The following SYN2 variants were observed in gnomAD, a reference collection of about 807,000 sequenced individuals.
The protein encoded by SYN2 is synapsin-2.
SYN2 carries 19 observed loss-of-function variants against 50.9 expected under a neutral mutation model. The ratio of observed to expected loss-of-function variants is 0.37; its 90% CI spans 0.26 to 0.55. The LOEUF (loss-of-function observed/expected upper bound fraction) is 0.55, where lower values mean the gene tolerates loss of function less well. SYN2 is among the 20% of genes least tolerant of loss of function. SYN2 has a pLI of 0.81. For synonymous variants in SYN2, 255 were observed against 224.9 expected (o/e 1.13, Z -1.20); for missense variants, 587 against 576.4 (o/e 1.02, Z -0.19).
chr3:12,103,239 AAAT>A (rs1696113071), intron 1 of SYN2, among the ~76,000 whole-genome samples: 1 of 152,168 alleles, frequency 6.6e-6, no homozygotes, highest in Non-Finnish European at 1.5e-5. Context: ...GGATGAAATA[AAAT>A]TTATTATATA....
chr3:12,100,961 TA>T (rs1220527227), intron 1 of SYN2, among the ~76,000 whole-genome samples: 1 of 152,046 alleles, frequency 6.6e-6, no homozygotes, highest in Non-Finnish European at 1.5e-5. Flanking sequence ...ATTGTTATAA[TA>T]AAAAAGATGG....
intron 1 of SYN2, among the ~76,000 whole-genome samples, chr3:12,047,190 G>A (rs978304961): frequency 2.6e-5 from 4 of 152,142 alleles, no homozygotes; most frequent in Non-Finnish European, 5.9e-5. Context: ...AAGAGGAGGA[G>A]GAAATGAGAT....
At chr3:12,123,787 G>A (rs1196780739) in intron 1 of SYN2, among the ~76,000 whole-genome samples, 1 of 151,924 alleles carries the variant, frequency 6.6e-6, no homozygotes, top group Non-Finnish European at 1.5e-5. Context: ...AAGGCAAATG[G>A]GTCTTGATCT....
intron 1 of SYN2, among the ~76,000 whole-genome samples, chr3:12,117,213 GAT>G (rs1696454033): frequency 6.6e-6 from 1 of 152,180 alleles, no homozygotes; most frequent in African/African-American, 2.4e-5. Flanking sequence ...TTTATAAAAA[GAT>G]GTACCATCAC....
chr3:12,098,880 T>TATATATATATAA (rs1553614789), intron 1 of SYN2, among the ~76,000 whole-genome samples: 4 of 145,520 alleles, frequency 2.7e-5, no homozygotes, highest in African/African-American at 5.1e-5. Context: ...TATATATATA[T>TATATATATATAA]AATGCAAATA....
intron 5 of SYN2, chr3:12,153,773 C>T: frequency 6.4e-7 from 1 of 1,574,486 alleles, no homozygotes; most frequent in Non-Finnish European, 8.7e-7. Flanking sequence ...CCATTGCTGC[C>T]TTTCAGATTC....
At position 12,191,014 on chromosome 3, in the gene SYN2, G is replaced by T; in HGVS notation, c.*389G>T. The T allele has an allele frequency of 1.0e-5, 10 of 1,002,652 alleles. No individual in the cohort carries two copies. The highest frequency in any genetic ancestry group is 1.2e-5 in the Non-Finnish European group (10 of 841,746). 62.1% of individuals were successfully genotyped at this position (1,002,652 alleles called of 1,614,324 possible). On this transcript the variant is annotated 3_prime_UTR_variant, in exon 13 of 13. Transcript: ENST00000621198. The stretch of plus-strand genomic sequence containing the variant: ...CTAGCTCAGTTGCAGTGCTAAGCAT[G>T]CCCCGCCCCCATTCAGTGATACCTG...
intron 1 of SYN2, among the ~76,000 whole-genome samples, chr3:12,099,141 C>T (rs1696012898): frequency 6.6e-6 from 1 of 151,982 alleles, no homozygotes; most frequent in South Asian, 2.1e-4. Context: ...ACTTCACCTT[C>T]AATTATGGAT....
At chr3:12,061,948 A>C in intron 1 of SYN2, among the ~76,000 whole-genome samples, 1 of 152,076 alleles carries the variant, frequency 6.6e-6, no homozygotes, top group Non-Finnish European at 1.5e-5. Context: ...AGTCTTCCCA[A>C]CTTGATCTGT....
chr3:12,190,244 T>A (rs1339494553), intron 12 of SYN2, among the ~76,000 whole-genome samples: 2 of 152,198 alleles, frequency 1.3e-5, no homozygotes, highest in Non-Finnish European at 2.9e-5. Flanking sequence ...CCTTCTTTAT[T>A]TTTTTCCTTC....
Position 12,004,758 on chromosome 3 carries a change from G to T in SYN2, c.207G>T (p.Ala69=). ...GGCCGCCGCCCGCCTCGGCGCCCGC[G>T]CCGCAGCCCGCGCCGACGCCGTCGG... is the stretch of plus-strand genomic sequence containing the variant. ...ERRPPPASAP[A]PQPAPTPSVG... The change falls in exon 1 of 13, where the codon GCG becomes GCT. Residue 69 remains alanine, a synonymous_variant. Coordinates refer to ENST00000621198, the MANE Select transcript of SYN2 (RefSeq NM_133625.6). The T allele has an allele frequency of 2.9e-6, 1 of 344,306 alleles. No individual in the cohort carries two copies. The highest frequency in any genetic ancestry group is 1.4e-4 in the South Asian group (1 of 7,378). 21.3% of individuals were successfully genotyped at this position (344,306 alleles called of 1,614,324 possible).
At chr3:12,162,341 C>G (rs951914231) in intron 7 of SYN2, among the ~76,000 whole-genome samples, 187 bp downstream of exon 7, 1 of 152,178 alleles carries the variant, frequency 6.6e-6, no homozygotes, top group African/African-American at 2.4e-5. Flanking sequence ...TTCATTTTCA[C>G]TTGCCTCTAA....
Position 12,004,948 on chromosome 3 carries a change from GC to G in SYN2, c.377+23del. 2.0e-6 allele frequency: 1 copy of G among 498,222 alleles called. No homozygotes were observed. The highest frequency in any genetic ancestry group is 2.0e-5 in the African/African-American group (1 of 49,356). The allele number at this position is 498,222 out of a possible 1,614,324, so 30.9% of individuals were successfully genotyped here. ...CGACTGGTAGGTGCCGGGCGCCGCC[GC>G]CCTCGGGGGTCGGGGTCCGCCGGCA... On this transcript the variant is annotated intron_variant, in intron 1 of 12. Coordinates refer to ENST00000621198, the MANE Select transcript of SYN2 (RefSeq NM_133625.6).
intron 5 of SYN2, chr3:12,156,749 G>A (rs1033377156): frequency 1.6e-6 from 2 of 1,262,086 alleles, no homozygotes; most frequent in South Asian, 1.2e-5. Context: ...GAAGACCCTG[G>A]CTCCTTTCTC....
chr3:12,132,601 T>C (rs1047648748), intron 1 of SYN2, among the ~76,000 whole-genome samples: 3 of 152,256 alleles, frequency 2.0e-5, no homozygotes, highest in Non-Finnish European at 4.4e-5. Flanking sequence ...TTATTTTAGC[T>C]TTACTAAAAT....
intron 1 of SYN2, among the ~76,000 whole-genome samples, chr3:12,128,797 G>C (rs766845471): frequency 1.3e-5 from 2 of 152,018 alleles, no homozygotes; most frequent in Non-Finnish European, 2.9e-5. Flanking sequence ...TTAACCCAGT[G>C]GTTTTTACAT....
intron 1 of SYN2, among the ~76,000 whole-genome samples, chr3:12,055,842 A>G (rs1157127954): frequency 2.0e-5 from 3 of 152,190 alleles, no homozygotes; most frequent in Non-Finnish European, 2.9e-5. Flanking sequence ...CCGTTTTGCA[A>G]CTCCCATTGA....
chr3:12,112,443 G>A (rs1403505923), intron 1 of SYN2, among the ~76,000 whole-genome samples: 1 of 152,048 alleles, frequency 6.6e-6, no homozygotes, highest in Admixed American at 6.6e-5. Context: ...CCAGCTTATA[G>A]CTGTGGAAGA....
intron 1 of SYN2, among the ~76,000 whole-genome samples, chr3:12,050,013 C>T (rs1694820939): frequency 1.3e-5 from 2 of 152,300 alleles, no homozygotes; most frequent in South Asian, 4.2e-4. Flanking sequence ...GATTCTCCTG[C>T]CCCAGCGTCC....
Sources: gnomAD v4.1 joint callset for allele counts (sites outside exome capture counted in the v4.1 genomes callset) on GRCh38, gnomAD v4.1.1 for gene constraint, MANE v1.5 for transcripts, NCBI Gene and HGNC (gene_info 2026-07-23, HGNC 2026-07-21) for gene names.